CNTNAP5: variants seen among roughly 807,000 people sequenced by gnomAD.
CNTNAP5 encodes contactin-associated protein-like 5.
A neutral mutation model predicts 150.2 loss-of-function variants in CNTNAP5; 72 were observed. The observed-to-expected ratio is 0.48, with a 90% CI of 0.40 to 0.58. The LOEUF is 0.58. Among genes scored for constraint, CNTNAP5 ranks in the 20% least tolerant of loss-of-function variants. The pLI is 0.00. For synonymous variants in CNTNAP5, 672 were observed against 619.8 expected, an observed-to-expected ratio of 1.08 and a Z score of -1.25; for missense variants, 1,636 against 1,626.2, an observed-to-expected ratio of 1.01 and a Z score of -0.10.
chr2:124,622,832 G>C (rs1466917103), intron 12 of CNTNAP5, among the ~76,000 whole-genome samples: 1 of 151,986 alleles, frequency 6.6e-6, no homozygotes, highest in Admixed American at 6.6e-5. Flanking sequence ...TCACAAGTTG[G>C]GTAATCATCA....
intron 19 of CNTNAP5, among the ~76,000 whole-genome samples, chr2:124,856,348 A>T (rs1479877442): frequency 6.6e-6 from 1 of 152,184 alleles, no homozygotes; most frequent in Non-Finnish European, 1.5e-5. Flanking sequence ...TCCTGTGTAG[A>T]TACCCAGTAG....
chr2:124,079,091 T>G (rs1015520424), intron 1 of CNTNAP5, among the ~76,000 whole-genome samples: 8 of 152,196 alleles, frequency 5.3e-5, no homozygotes, highest in African/African-American at 1.9e-4. Flanking sequence ...GAGTCTGGGC[T>G]TAAGTGAAAC....
At chr2:124,237,264 C>G (rs763374170) in intron 2 of CNTNAP5, among the ~76,000 whole-genome samples, 6 of 152,180 alleles carry the variant, frequency 3.9e-5, no homozygotes, top group Non-Finnish European at 5.9e-5. Flanking sequence ...TGTGAAATAT[C>G]GTTTTGCAGA....
Position 124,146,477 on chromosome 2 carries a change from C to T in CNTNAP5, c.83-75228C>T, listed in dbSNP as rs566342096. ...CTAAATAAAGAGAGAGAAATGTTCA[C>T]AGATTTTTTTTTTTTGAATAAGGAT... On this transcript the variant is annotated intron_variant, in intron 1 of 23. Coordinates refer to ENST00000682447, the MANE Select transcript of CNTNAP5 (RefSeq NM_001367498.1). Among the ~76,000 whole-genome samples, 3 of 151,694 alleles carry T rather than the reference C, an allele frequency of 2.0e-5. No homozygotes were observed. The South Asian group carries it at 6.2e-4, about 32-fold the overall frequency.
At chr2:124,673,154 G>C (rs2901333) in intron 13 of CNTNAP5, among the ~76,000 whole-genome samples, 45,727 of 151,900 alleles carry the variant, frequency 0.3, 7,279 homozygotes, top group Non-Finnish European at 0.34. Flanking sequence ...TTAAATGGTA[G>C]CTATTATTAG....
At chr2:124,458,529 G>A (rs1172890938) in intron 6 of CNTNAP5, among the ~76,000 whole-genome samples, 1 of 151,684 alleles carries the variant, frequency 6.6e-6, no homozygotes, top group Non-Finnish European at 1.5e-5. Flanking sequence ...GAAAGCGTGG[G>A]AAGGGAGTGA....
intron 1 of CNTNAP5, among the ~76,000 whole-genome samples, chr2:124,070,206 A>G (rs554218442): frequency 6.6e-6 from 1 of 152,090 alleles, no homozygotes; most frequent in East Asian, 1.9e-4. Context: ...ATAAAAAGCA[A>G]GAAATTATAC....
Position 124,279,027 on chromosome 2 carries a change from G to T in CNTNAP5, c.381+36634G>T, listed in dbSNP as rs149639685. The stretch of plus-strand genomic sequence containing the variant: ...TCAACAGGAGACCTGAACAAGACAG[G>T]TTCTAGAGGACCATGGGCTGCCACA... On this transcript the variant is annotated intron_variant, in intron 3 of 23. Transcript: ENST00000682447. 2.2e-3 allele frequency among the ~76,000 whole-genome samples: 342 copies of T among 152,246 alleles called. 1 individual carries two copies. The highest frequency in any genetic ancestry group is 7.7e-3 in the African/African-American group (321 of 41,560).
At chr2:124,888,318 TG>T (rs1168762881) in intron 21 of CNTNAP5, among the ~76,000 whole-genome samples, 1 of 152,166 alleles carries the variant, frequency 6.6e-6, no homozygotes, top group Non-Finnish European at 1.5e-5. Flanking sequence ...ATAGTGTATA[TG>T]TACCACATTT....
chr2:124,274,157 T>G (rs918928842), intron 3 of CNTNAP5, among the ~76,000 whole-genome samples: 3 of 152,210 alleles, frequency 2.0e-5, no homozygotes, highest in South Asian at 2.1e-4. Flanking sequence ...GTTTTTGTAT[T>G]AAGATCTTTA....
intron 12 of CNTNAP5, among the ~76,000 whole-genome samples, chr2:124,641,348 G>A (rs1678090075): frequency 6.6e-6 from 1 of 152,076 alleles, no homozygotes. Flanking sequence ...TTGGAAGCCA[G>A]CCCTAATGAT....
chr2:124,077,341 G>T (rs1037226480), intron 1 of CNTNAP5, among the ~76,000 whole-genome samples: 14 of 152,094 alleles, frequency 9.2e-5, no homozygotes, highest in African/African-American at 3.4e-4. Flanking sequence ...TTTGAGAAAA[G>T]ATACTTGCTA....
intron 13 of CNTNAP5, among the ~76,000 whole-genome samples, chr2:124,713,241 T>A (rs201901746): frequency 3.4e-4 from 19 of 56,024 alleles, no homozygotes; most frequent in African/African-American, 1.2e-3. Flanking sequence ...CTTTCTTTCT[T>A]TCTCTTTCTT....
chr2:124,798,305 C>G lies in CNTNAP5; in HGVS notation c.3202C>G (p.Leu1068Val), dbSNP rs749568518. 27 of 1,612,350 alleles carry G rather than the reference C, an allele frequency of 1.7e-5. No homozygotes were observed. The highest frequency in any genetic ancestry group is 3.3e-5 in the Admixed American group (2 of 59,990). ...NSSSQDFVVV[L>V]LCKNGSLQVR... ...TTCTTCTCAGGACTTCGTGGTTGTT[C>G]TGCTCTGCAAGAATGGTGAGTGTGA... Residue 1068 changes from leucine to valine, a missense_variant, in exon 19 of 24, where the codon CTG (leucine) becomes GTG (valine). Leu to Val is a conservative substitution (Grantham distance 32). Transcript: ENST00000682447.
intron 10 of CNTNAP5, among the ~76,000 whole-genome samples, chr2:124,532,408 C>T (rs191320647): frequency 1.6e-4 from 24 of 152,202 alleles, no homozygotes; most frequent in Admixed American, 1.1e-3. Context: ...GTCTCTGCCC[C>T]GCATCCATGT....
intron 1 of CNTNAP5, among the ~76,000 whole-genome samples, chr2:124,123,992 G>A (rs774960165): frequency 3.3e-5 from 5 of 152,098 alleles, no homozygotes; most frequent in Admixed American, 6.6e-5. Flanking sequence ...AAAAATCAGA[G>A]CACCTCTCCT....
intron 21 of CNTNAP5, among the ~76,000 whole-genome samples, chr2:124,891,367 A>G (rs1355617881): frequency 1.3e-5 from 2 of 152,108 alleles, no homozygotes. Context: ...CTGGCAGGGA[A>G]TAATTTTCAA....
At chr2:124,531,538 A>T (rs1221975628) in intron 10 of CNTNAP5, among the ~76,000 whole-genome samples, 1 of 152,212 alleles carries the variant, frequency 6.6e-6, no homozygotes, top group African/African-American at 2.4e-5. Context: ...ACTGACTTAC[A>T]TCTATCCCTG....
At chr2:124,460,169 T>G (rs1254285312) in intron 6 of CNTNAP5, among the ~76,000 whole-genome samples, 1 of 152,138 alleles carries the variant, frequency 6.6e-6, no homozygotes, top group East Asian at 1.9e-4. Context: ...GAAGAGAACA[T>G]ATAAACATTA....
Sources: allele counts gnomAD v4.1 joint callset (sites outside exome capture counted in the v4.1 genomes callset), GRCh38; gene constraint gnomAD v4.1.1; transcripts MANE v1.5; gene names NCBI Gene and HGNC (gene_info 2026-07-23, HGNC 2026-07-21).